Variants in TRAPPC9 observed in about 807,000 individuals in gnomAD.
TRAPPC9 encodes the protein IKK2 binding protein.
A neutral mutation model predicts 124.0 loss-of-function variants in TRAPPC9; 83 were observed. The observed-to-expected ratio is 0.67, with a 90% CI of 0.56 to 0.80. TRAPPC9 has a LOEUF of 0.80. Among genes scored for constraint, TRAPPC9 ranks in the 30% least tolerant of loss-of-function variants. The probability of loss-of-function intolerance (pLI) is 0.00; values close to 1 mark genes in which losing one functional copy is unlikely to be tolerated. For synonymous variants in TRAPPC9, 638 were observed against 617.5 expected (o/e 1.03, Z -0.49); for missense variants, 1,302 against 1,508.3 (o/e 0.86, Z 2.27).
intron 16 of TRAPPC9, among the ~76,000 whole-genome samples, chr8:140,248,026 G>A (rs1487222494): frequency 6.6e-6 from 1 of 152,032 alleles, no homozygotes; most frequent in Non-Finnish European, 1.5e-5. Context: ...CGCTGCTTAT[G>A]TTTTCACTAG....
At chr8:139,734,178 C>G (rs1818012018) in intron 21 of TRAPPC9, among the ~76,000 whole-genome samples, 1 of 152,198 alleles carries the variant, frequency 6.6e-6, no homozygotes, top group Non-Finnish European at 1.5e-5. Context: ...GGGGGCCTGG[C>G]AGGCAGCAGA....
At chr8:139,790,678 C>T (rs1450171347) in intron 21 of TRAPPC9, among the ~76,000 whole-genome samples, 1 of 152,210 alleles carries the variant, frequency 6.6e-6, no homozygotes, top group Non-Finnish European at 1.5e-5. Flanking sequence ...ATGCACAGGA[C>T]AGCCCCACGG....
intron 4 of TRAPPC9, among the ~76,000 whole-genome samples, chr8:140,428,228 AT>A (rs2070498313): frequency 6.6e-6 from 1 of 152,226 alleles, no homozygotes; most frequent in African/African-American, 2.4e-5. Context: ...ATCATCAATC[AT>A]TTGACTATTA....
intron 17 of TRAPPC9, among the ~76,000 whole-genome samples, chr8:140,195,223 C>T (rs1486086169): frequency 2.0e-5 from 3 of 151,766 alleles, no homozygotes; most frequent in Non-Finnish European, 2.9e-5. Flanking sequence ...CTCAATGATC[C>T]ACCGTACAGA....
At chr8:139,824,841 G>C (rs960109489) in intron 21 of TRAPPC9, among the ~76,000 whole-genome samples, 1 of 152,206 alleles carries the variant, frequency 6.6e-6, no homozygotes, top group African/African-American at 2.4e-5. Flanking sequence ...AGGATTATAG[G>C]TGTGAGCCAC....
At chr8:139,785,219 A>G (rs1157775473) in intron 21 of TRAPPC9, among the ~76,000 whole-genome samples, 11 of 152,352 alleles carry the variant, frequency 7.2e-5, no homozygotes, top group Middle Eastern at 3.4e-3. Flanking sequence ...AACTGAATAC[A>G]CACTCGCTAA....
intron 19 of TRAPPC9, among the ~76,000 whole-genome samples, chr8:139,948,670 T>C (rs984302632): frequency 1.3e-5 from 2 of 152,196 alleles, no homozygotes; most frequent in Non-Finnish European, 2.9e-5. Flanking sequence ...GCAACCCTGA[T>C]CTGGCCACAG....
At chr8:140,442,082 A>G (rs1260704616) in intron 2 of TRAPPC9, among the ~76,000 whole-genome samples, 2 of 152,200 alleles carry the variant, frequency 1.3e-5, no homozygotes, top group South Asian at 2.1e-4. Context: ...GAACTTCACA[A>G]AAGTGTACAC....
At chr8:140,319,933 T>C (rs567673747) in intron 9 of TRAPPC9, among the ~76,000 whole-genome samples, 1 of 152,228 alleles carries the variant, frequency 6.6e-6, no homozygotes, top group Non-Finnish European at 1.5e-5. Context: ...TATTCTTGTC[T>C]CTGCTAAGTA....
At chr8:139,779,205 T>G (rs1471248065) in intron 21 of TRAPPC9, among the ~76,000 whole-genome samples, 1 of 152,038 alleles carries the variant, frequency 6.6e-6, no homozygotes, top group Non-Finnish European at 1.5e-5. Flanking sequence ...CATCTTTAAG[T>G]GCGGGGTGGG....
intron 17 of TRAPPC9, among the ~76,000 whole-genome samples, chr8:140,120,665 CCCATCCATCCAACAT>C (rs1413039510): frequency 3.4e-5 from 5 of 145,994 alleles, no homozygotes; most frequent in Non-Finnish European, 7.5e-5. Context: ...CATCCATCCA[CCCATCCATCCAACAT>C]CCATCCATCC....
chr8:139,945,557 A>G (rs1834157838), intron 19 of TRAPPC9, among the ~76,000 whole-genome samples: 1 of 148,424 alleles, frequency 6.7e-6, no homozygotes, highest in East Asian at 1.9e-4. Context: ...AAAAAAAAAA[A>G]AAAAAAAAAA....
chr8:140,380,013 C>T (rs2068556279), intron 7 of TRAPPC9, among the ~76,000 whole-genome samples: 1 of 152,126 alleles, frequency 6.6e-6, no homozygotes, highest in South Asian at 2.1e-4. Context: ...GATGGTAAAA[C>T]ACCTCCAATG....
At chr8:140,436,535 G>A (rs1377702689) in intron 3 of TRAPPC9, among the ~76,000 whole-genome samples, 1 of 152,192 alleles carries the variant, frequency 6.6e-6, no homozygotes, top group African/African-American at 2.4e-5. Context: ...TCAGTCTGCT[G>A]TGATGTCAGG....
chr8:140,061,056 G>C (rs1254293282), intron 17 of TRAPPC9, among the ~76,000 whole-genome samples: 1 of 152,226 alleles, frequency 6.6e-6, no homozygotes, highest in South Asian at 2.1e-4. Flanking sequence ...GATTCAGGCA[G>C]TCTGACATGG....
At chr8:139,980,042 T>G (rs1260051662) in intron 19 of TRAPPC9, among the ~76,000 whole-genome samples, 1 of 94,894 alleles carries the variant, frequency 1.1e-5, no homozygotes, top group Non-Finnish European at 2.3e-5. Context: ...CTACGATTCC[T>G]GCAGGTACCC....
chr8:139,810,267 A>G (rs1420630584), intron 21 of TRAPPC9, among the ~76,000 whole-genome samples: 1 of 152,176 alleles, frequency 6.6e-6, no homozygotes, highest in East Asian at 1.9e-4. Flanking sequence ...CGCCAAGGAG[A>G]CAAGGCCACT....
At chr8:139,803,582 A>G (rs4736004) in intron 21 of TRAPPC9, among the ~76,000 whole-genome samples, 11,667 of 152,336 alleles carry the variant, frequency 0.077, 540 homozygotes, top group East Asian at 0.14. Flanking sequence ...ACAGCTGGAT[A>G]CCAACACCTC....
At chr8:139,970,837 G>A (rs1280786600) in intron 19 of TRAPPC9, among the ~76,000 whole-genome samples, 2 of 152,044 alleles carry the variant, frequency 1.3e-5, no homozygotes, top group Admixed American at 6.5e-5. Context: ...CCTTTCTGGT[G>A]TGGCCAGAAG....
Sources: allele counts gnomAD v4.1 joint callset (sites outside exome capture counted in the v4.1 genomes callset), GRCh38; gene constraint gnomAD v4.1.1; transcripts MANE v1.5; gene names NCBI Gene and HGNC (gene_info 2026-07-23, HGNC 2026-07-21).